The following ULK4 variants were observed in gnomAD, a reference collection of about 807,000 sequenced individuals.
ULK4 encodes the protein inactive serine/threonine-protein kinase ULK4.
ULK4 carries 133 observed loss-of-function variants against 160.6 expected under a neutral mutation model. The ratio of observed to expected loss-of-function variants is 0.83; its 90% CI spans 0.72 to 0.96. The LOEUF (loss-of-function observed/expected upper bound fraction) is 0.96, where lower values mean the gene tolerates loss of function less well. Ranked by LOEUF, ULK4 falls within the 40% of genes least tolerant of loss-of-function variation. The pLI is 0.00. For missense variants in ULK4, 1,580 were observed against 1,499.5 expected (o/e 1.05, Z -0.89); for synonymous variants, 534 against 539.8 (o/e 0.99, Z 0.15).
chr3:41,616,533 G>T (rs1575486865), intron 30 of ULK4, among the ~76,000 whole-genome samples: 1 of 152,194 alleles, frequency 6.6e-6, no homozygotes, highest in Non-Finnish European at 1.5e-5. Context: ...CCAGGGAAGT[G>T]CAAGGGGCTG....
intron 35 of ULK4, among the ~76,000 whole-genome samples, chr3:41,348,057 A>C (rs1029804902): frequency 4.0e-5 from 6 of 151,810 alleles, no homozygotes; most frequent in African/African-American, 1.2e-4. Flanking sequence ...AAAATACAAA[A>C]AATTAGCCAG....
At chr3:41,264,590 C>A (rs1386482452) in intron 35 of ULK4, among the ~76,000 whole-genome samples, 3 of 152,124 alleles carry the variant, frequency 2.0e-5, no homozygotes, top group African/African-American at 7.2e-5. Context: ...GGAAACAGAA[C>A]CTGTGAGATT....
intron 19 of ULK4, among the ~76,000 whole-genome samples, chr3:41,818,442 G>A (rs2041039250): frequency 6.6e-6 from 1 of 152,186 alleles, no homozygotes; most frequent in South Asian, 2.1e-4. Context: ...GTGCCTCTAA[G>A]TGCACCTAGC....
intron 34 of ULK4, among the ~76,000 whole-genome samples, chr3:41,452,569 T>C (rs184820030): frequency 6.6e-6 from 1 of 152,320 alleles, no homozygotes; most frequent in African/African-American, 2.4e-5. Context: ...ATCATTTCTA[T>C]TTCCTAATTA....
At chr3:41,634,496 TCAGA>T (rs1042475952) in intron 30 of ULK4, among the ~76,000 whole-genome samples, 4 of 152,118 alleles carry the variant, frequency 2.6e-5, no homozygotes, top group African/African-American at 4.8e-5. Flanking sequence ...AGGAATGGCG[TCAGA>T]CAGAGAAAAA....
At position 41,463,022 on chromosome 3, in the gene ULK4, G is replaced by C. The variant is rs2083726409; in HGVS notation, c.3393+65C>G. ...CACAATAGAGGAAGATAAGAAAGAA[G>C]AGAATGAAAGGGAAGCATGAAATGG... On this transcript the variant is annotated intron_variant, in intron 33 of 36. Coordinates refer to ENST00000301831, the MANE Select transcript of ULK4 (RefSeq NM_017886.4). The C allele has an allele frequency of 6.6e-6, 10 of 1,523,314 alleles. No individual in the cohort carries two copies. The Admixed American group carries it at 1.3e-4, about 20-fold the overall frequency. 94.4% of individuals were successfully genotyped at this position (1,523,314 alleles called of 1,614,324 possible).
intron 32 of ULK4, among the ~76,000 whole-genome samples, chr3:41,490,256 C>T (rs1452315246): frequency 6.6e-6 from 1 of 152,170 alleles, no homozygotes; most frequent in African/African-American, 2.4e-5. Context: ...TGTTCCTCCA[C>T]TGATAAGGGA....
At position 41,418,894 on chromosome 3, in the gene ULK4, A is replaced by G. The variant is rs567758759; in HGVS notation, c.3493-20630T>C. On this transcript the variant is annotated intron_variant, in intron 34 of 36. Coordinates refer to ENST00000301831, the MANE Select transcript of ULK4 (RefSeq NM_017886.4). Reference sequence around the variant, plus strand: ...AGTGCATGAATGGGCACATTATAAAATGTCAGGCCATTTTACACAGAGTTG... The same window carrying G: ...AGTGCATGAATGGGCACATTATAAAGTGTCAGGCCATTTTACACAGAGTTG... Among the ~76,000 whole-genome samples, 40 of 152,340 alleles carry G rather than the reference A, an allele frequency of 2.6e-4. 1 individual carries two copies. Among genetic ancestry groups the G allele is most frequent in the African/African-American group, 9.1e-4 (38 of 41,586 alleles).
chr3:41,935,528 C>T (rs2148825577), intron 4 of ULK4, among the ~76,000 whole-genome samples: 1 of 151,476 alleles, frequency 6.6e-6, no homozygotes, highest in South Asian at 2.1e-4. Flanking sequence ...CGCGCCTAGC[C>T]TTTTATGTTT....
intron 35 of ULK4, among the ~76,000 whole-genome samples, chr3:41,360,974 G>T (rs780318806): frequency 6.6e-6 from 1 of 152,092 alleles, no homozygotes. Flanking sequence ...ACAGATGGGT[G>T]ATATATATCA....
chr3:41,574,981 C>G (rs2088137330), intron 31 of ULK4, among the ~76,000 whole-genome samples: 1 of 152,186 alleles, frequency 6.6e-6, no homozygotes, highest in Non-Finnish European at 1.5e-5. Flanking sequence ...AGTTTCTGTC[C>G]ACAGCCCTGG....
At chr3:41,267,914 G>A (rs972113203) in intron 35 of ULK4, among the ~76,000 whole-genome samples, 1 of 152,302 alleles carries the variant, frequency 6.6e-6, no homozygotes, top group South Asian at 2.1e-4. Context: ...ATGTCTACCA[G>A]ATTGAGAGAG....
At chr3:41,872,926 G>A (rs879825183) in intron 17 of ULK4, among the ~76,000 whole-genome samples, 12 of 145,914 alleles carry the variant, frequency 8.2e-5, no homozygotes, top group African/African-American at 2.3e-4. Context: ...AGGCCAAGGC[G>A]GGTGGATCAC....
chr3:41,619,992 C>G (rs1230603658), intron 30 of ULK4, among the ~76,000 whole-genome samples: 1 of 152,104 alleles, frequency 6.6e-6, no homozygotes, highest in East Asian at 1.9e-4. Context: ...AACCTCTATG[C>G]AAATAAACTA....
At chr3:41,716,738 A>T (rs965571718) in intron 23 of ULK4, among the ~76,000 whole-genome samples, 2 of 152,188 alleles carry the variant, frequency 1.3e-5, no homozygotes, top group African/African-American at 4.8e-5. Flanking sequence ...ATGGAATGGG[A>T]TTTAAGCTAC....
At chr3:41,345,923 G>C (rs374756102) in intron 35 of ULK4, among the ~76,000 whole-genome samples, 8 of 152,192 alleles carry the variant, frequency 5.3e-5, no homozygotes, top group South Asian at 4.2e-4. Flanking sequence ...GAATTTGCAG[G>C]GGGGAGGTGA....
intron 31 of ULK4, 88 bp downstream of exon 31, chr3:41,615,581 G>C: frequency 2.3e-6 from 3 of 1,303,348 alleles, no homozygotes; most frequent in Non-Finnish European, 3.2e-6. Context: ...GGCAGAGGCA[G>C]GGTTAGCAAC....
intron 17 of ULK4, among the ~76,000 whole-genome samples, chr3:41,876,600 A>G (rs1697311730): frequency 6.6e-6 from 1 of 152,248 alleles, no homozygotes; most frequent in African/African-American, 2.4e-5. Context: ...AAGTGCATCA[A>G]AATGTGTGTG....
intron 35 of ULK4, among the ~76,000 whole-genome samples, chr3:41,338,621 C>T (rs12639592): frequency 0.057 from 8,607 of 152,044 alleles, 596 homozygotes; most frequent in East Asian, 0.21. Context: ...CTCTCCAGTC[C>T]CTAGTTGGAG....
Sources: gnomAD v4.1 joint callset for allele counts (sites outside exome capture counted in the v4.1 genomes callset) on GRCh38, gnomAD v4.1.1 for gene constraint, MANE v1.5 for transcripts, NCBI Gene and HGNC (gene_info 2026-07-23, HGNC 2026-07-21) for gene names.